The following GPAM variants were observed in gnomAD, a reference collection of about 807,000 sequenced individuals.
GPAM encodes glycerol-3-phosphate acyltransferase, mitochondrial, also known as glycerol-3-phosphate acyltransferase 1, mitochondrial.
GPAM carries 56 observed loss-of-function variants against 105.0 expected under a neutral mutation model. That is an observed-to-expected ratio of 0.53 (90% CI 0.43 to 0.67). GPAM has a LOEUF of 0.67. Ranked by LOEUF, GPAM falls within the 30% of genes least tolerant of loss-of-function variation. The pLI, the probability that GPAM is intolerant of heterozygous loss-of-function variation, is 0.00. For missense variants in GPAM, 855 were observed against 989.8 expected, an observed-to-expected ratio of 0.86 and a Z score of 1.83; for synonymous variants, 368 against 354.4, an observed-to-expected ratio of 1.04 and a Z score of -0.43.
intron 19 of GPAM, chr10:112,156,856 C>T: frequency 3.6e-6 from 1 of 281,146 alleles, no homozygotes; most frequent in South Asian, 9.4e-5. Context: ...TAATTGACAG[C>T]AAAGAGCTTA....
chr10:112,155,984 C>A lies in GPAM; in HGVS notation c.2191G>T (p.Ala731Ser), dbSNP rs1230421054. ...ACAAAGATGGCAGCAGAGCTGTAGG[C>A]CTCCAGCAAAGGCCCAAGGAGTCTC... The part of the protein sequence containing the change: ...LQRLLGPLLE[A>S]YSSAAIFVHN... Residue 731 changes from alanine (A) to serine (S), a missense_variant, in exon 20 of 22, where the codon GCC becomes TCC. By Grantham distance (99) the Ala-to-Ser change is moderately conservative. Transcript: ENST00000348367. 3 of 1,612,048 alleles carry A rather than the reference C, an allele frequency of 1.9e-6. No individual in the cohort carries two copies. The highest frequency in any genetic ancestry group is 1.7e-6 in the Non-Finnish European group (2 of 1,178,186).
At chr10:112,213,004 G>T (rs1589613889) in intron 1 of GPAM, among the ~76,000 whole-genome samples, 1 of 152,230 alleles carries the variant, frequency 6.6e-6, no homozygotes, top group East Asian at 1.9e-4. Context: ...TTGACAGGGA[G>T]AACAGAGCAG....
At chr10:112,173,199 T>C (rs761234599) in intron 7 of GPAM, 133 bp from the exon 8 acceptor site, 6 of 702,974 alleles carry the variant, frequency 8.5e-6, no homozygotes, top group African/African-American at 1.8e-5. Flanking sequence ...AATGACTTAG[T>C]GTGTGTGCAC....
At chr10:112,218,269 G>A (rs1480715853), upstream of GPAM, among the ~76,000 whole-genome samples, 3 of 152,176 alleles carry the variant, frequency 2.0e-5, no homozygotes, top group Non-Finnish European at 4.4e-5. Flanking sequence ...CAGAGCAGGG[G>A]CACACGGAAA....
At chr10:112,180,919 A>T (rs1225337482) in intron 3 of GPAM, among the ~76,000 whole-genome samples, 1 of 152,070 alleles carries the variant, frequency 6.6e-6, no homozygotes, top group East Asian at 1.9e-4. Flanking sequence ...AATTAACCTT[A>T]CCCCCTTTTA....
At position 112,169,261 on chromosome 10, in the gene GPAM, G is replaced by T. The variant is rs11195832; in HGVS notation, c.795-309C>A. Among the ~76,000 whole-genome samples the T allele has an allele frequency of 1.2e-3, 179 of 152,250 alleles. 3 individuals carry two copies. The East Asian group carries it at 0.033, about 28-fold the overall frequency. On this transcript the variant is annotated intron_variant, in intron 9 of 21. Transcript: ENST00000348367. ...TAGTATAGATTTTAAGAGGATTATA[G>T]AACACTTCTAAATTTTAAAATCCTG...
Position 112,150,797 on chromosome 10 carries a change from G to A in GPAM, c.*2753C>T. ...ATAAAACACTGATGAACATCTCACA[G>A]AGCACTCATATTACATGGAGTGCTA... On this transcript the variant is annotated 3_prime_UTR_variant, in exon 22 of 22. Coordinates refer to ENST00000348367, the MANE Select transcript of GPAM (RefSeq NM_001244949.2). 2 of 985,036 alleles carry A rather than the reference G, an allele frequency of 2.0e-6. No homozygotes were observed. Among genetic ancestry groups the A allele is most frequent in the Middle Eastern group, 5.2e-4 (1 of 1,914 alleles). The allele number at this position is 985,036 out of a possible 1,614,324, so 61.0% of individuals were successfully genotyped here.
At chr10:112,196,004 A>C (rs540578993) in intron 1 of GPAM, among the ~76,000 whole-genome samples, 1 of 152,310 alleles carries the variant, frequency 6.6e-6, no homozygotes, top group Admixed American at 6.5e-5. Flanking sequence ...TGTGACTACA[A>C]GGAAAACTAG....
rs533449602 is a variant in GPAM at position 112,197,956 on chromosome 10, T to C, written n.211-15065A>G. 2.6e-5 allele frequency among the ~76,000 whole-genome samples: 4 copies of C among 152,338 alleles called. No individual in the cohort carries two copies. In the South Asian group the frequency reaches 8.3e-4, roughly 32 times the overall value. ...CTGCCATTTACACATGTCAAAATCATAATTATTGTGAACCATTAATTACAA... is the reference window on the plus strand; with the variant it reads ...CTGCCATTTACACATGTCAAAATCACAATTATTGTGAACCATTAATTACAA... On this transcript the variant is annotated intron_variant and non_coding_transcript_variant, in intron 1 of 3. Transcript: ENST00000480130.
intron 12 of GPAM, among the ~76,000 whole-genome samples, 174 bp downstream of exon 12, chr10:112,166,228 T>C (rs960637538): frequency 3.3e-5 from 5 of 152,150 alleles, no homozygotes; most frequent in Admixed American, 2.6e-4. Context: ...CCTTTGTCAA[T>C]AGGCAAATTT....
intron 5 of GPAM, among the ~76,000 whole-genome samples, chr10:112,177,300 G>A (rs1475723418): frequency 1.3e-5 from 2 of 152,142 alleles, no homozygotes; most frequent in East Asian, 3.9e-4. Flanking sequence ...AGAATTTCAA[G>A]TATTTCTCAT....
chr10:112,193,974 T>G (rs1034031138), intron 1 of GPAM, among the ~76,000 whole-genome samples: 1 of 152,100 alleles, frequency 6.6e-6, no homozygotes, highest in Non-Finnish European at 1.5e-5. Context: ...CTAGGGAGAG[T>G]GACTATATCA....
chr10:112,214,494 T>G (rs1212929386), intron 1 of GPAM: 1 of 152,212 alleles, frequency 6.6e-6, no homozygotes, highest in Non-Finnish European at 1.5e-5. Flanking sequence ...TGGCCCCATA[T>G]GGAGCCCAGC....
chr10:112,157,265 C>G lies in GPAM; in HGVS notation c.2105G>C (p.Arg702Pro), dbSNP rs763050405. 5 of 1,613,902 alleles carry G rather than the reference C, an allele frequency of 3.1e-6. No homozygotes were observed. The South Asian group carries it at 5.5e-5, about 18-fold the overall frequency. The change falls in exon 19 of 22, where the codon CGA becomes CCA. Residue 702 changes from arginine (R) to proline (P), a missense_variant. Physicochemically the swap from Arg to Pro is moderately radical, Grantham distance 103. Coordinates refer to ENST00000348367, the MANE Select transcript of GPAM (RefSeq NM_001244949.2). ...CCCAAGTACCTTCAGGTAGCAATCTCGCTGTTCCTCCCCAAAGTCACTGTC... is the reference window on the plus strand; with the variant it reads ...CCCAAGTACCTTCAGGTAGCAATCTGGCTGTTCCTCCCCAAAGTCACTGTC... Reference protein sequence around the residue: ...DEDSDFGEEQRDCYLKVSQSK... With the variant: ...DEDSDFGEEQPDCYLKVSQSK...
chr10:112,153,794 A>G, intron 21 of GPAM, 128 bp from the exon 22 acceptor site: 1 of 987,680 alleles, frequency 1.0e-6, no homozygotes, highest in Non-Finnish European at 1.5e-6. Flanking sequence ...ATATCCTGGC[A>G]TTAAGTAAAT....
chr10:112,197,421 T>C (rs1847736065), intron 1 of GPAM, among the ~76,000 whole-genome samples: 1 of 151,220 alleles, frequency 6.6e-6, no homozygotes, highest in African/African-American at 2.4e-5. Context: ...CTCTCCTCTG[T>C]ATGTGACCTG....
intron 11 of GPAM, among the ~76,000 whole-genome samples, chr10:112,167,979 G>A (rs970379603): frequency 1.3e-5 from 2 of 152,150 alleles, no homozygotes; most frequent in African/African-American, 4.8e-5. Flanking sequence ...TAAGCCCTGG[G>A]GAGAACAAAC....
Position 112,179,717 on chromosome 10 carries a change from G to A in GPAM, c.225+756C>T, listed in dbSNP as rs1847473351. 2.0e-5 allele frequency among the ~76,000 whole-genome samples: 3 copies of A among 152,250 alleles called. No individual in the cohort carries two copies. The South Asian group carries it at 6.2e-4, about 32-fold the overall frequency. On this transcript the variant is annotated intron_variant, in intron 4 of 21. Coordinates refer to ENST00000348367, the MANE Select transcript of GPAM (RefSeq NM_001244949.2). The stretch of plus-strand genomic sequence containing the variant: ...TTACAAGCAACCTCTATAAATGGCA[G>A]GCACTTAAACGGCAGAATTTCTTCA...
the GPAM span, among the ~76,000 whole-genome samples, chr10:112,223,689 G>T: frequency 6.6e-6 from 1 of 152,148 alleles, no homozygotes; most frequent in Admixed American, 6.5e-5. Flanking sequence ...CTAAGACAGG[G>T]TTTGCAAACT....
Sources: gnomAD v4.1 joint callset for allele counts (sites outside exome capture counted in the v4.1 genomes callset) on GRCh38, gnomAD v4.1.1 for gene constraint, MANE v1.5 for transcripts, NCBI Gene and HGNC (gene_info 2026-07-23, HGNC 2026-07-21) for gene names.